SYK: variants seen among roughly 807,000 people sequenced by gnomAD.
SYK encodes the protein spleen associated tyrosine kinase.
A neutral mutation model predicts 77.8 loss-of-function variants in SYK; 16 were observed. The observed-to-expected ratio is 0.21, with a 90% CI of 0.14 to 0.31. SYK has a LOEUF of 0.31. Ranked by LOEUF, SYK falls within the 10% of genes least tolerant of loss-of-function variation. The probability of loss-of-function intolerance (pLI) is 1.00; values close to 1 mark genes in which losing one functional copy is unlikely to be tolerated. For synonymous variants in SYK, 312 were observed against 308.7 expected (o/e 1.01, Z -0.11); for missense variants, 529 against 814.4 (o/e 0.65, Z 4.26).
intron 1 of SYK, among the ~76,000 whole-genome samples, chr9:90,823,791 T>A (rs1825590898): frequency 6.6e-6 from 1 of 151,902 alleles, no homozygotes; most frequent in South Asian, 2.1e-4. Context: ...ACACATTAGG[T>A]AAAAAATATA....
At chr9:90,815,112 CAT>C (rs922632418) in intron 1 of SYK, among the ~76,000 whole-genome samples, 4 of 151,200 alleles carry the variant, frequency 2.6e-5, no homozygotes, top group African/African-American at 9.7e-5. Flanking sequence ...AAAAATCCAA[CAT>C]AGTTTCCTTG....
At chr9:90,843,355 T>A (rs1826448430) in intron 1 of SYK, among the ~76,000 whole-genome samples, 1 of 152,178 alleles carries the variant, frequency 6.6e-6, no homozygotes, top group African/African-American at 2.4e-5. Context: ...CGAGGCAGCG[T>A]CTCGCAGCTC....
intron 7 of SYK, among the ~76,000 whole-genome samples, chr9:90,872,159 T>C (rs900672100): frequency 6.6e-6 from 1 of 152,246 alleles, no homozygotes; most frequent in African/African-American, 2.4e-5. Flanking sequence ...GGAATTGCGT[T>C]CTGGTTTAAT....
chr9:90,888,914 A>T (rs1410134507), intron 13 of SYK, among the ~76,000 whole-genome samples: 2 of 152,180 alleles, frequency 1.3e-5, no homozygotes, highest in Admixed American at 6.5e-5. Context: ...CAGTCAAAGT[A>T]AAAAAGTGTT....
chr9:90,802,815 T>TA (rs58269380), intron 1 of SYK, among the ~76,000 whole-genome samples: 13 of 58,676 alleles, frequency 2.2e-4, no homozygotes, highest in Admixed American at 7.9e-4. Context: ...CAGCGTGTAG[T>TA]AAAAAAAAAA....
intron 1 of SYK, among the ~76,000 whole-genome samples, chr9:90,837,298 T>C (rs1826120886): frequency 6.6e-6 from 1 of 152,138 alleles, no homozygotes; most frequent in South Asian, 2.1e-4. Flanking sequence ...AGCAAGGCAG[T>C]GAAATCTCCA....
intron 13 of SYK, among the ~76,000 whole-genome samples, chr9:90,891,290 C>A (rs575065833): frequency 2.6e-5 from 4 of 151,952 alleles, no homozygotes; most frequent in Non-Finnish European, 5.9e-5. Flanking sequence ...GGACTACAGG[C>A]GCCCGCCACC....
intron 1 of SYK, among the ~76,000 whole-genome samples, chr9:90,837,842 A>G (rs1826145767): frequency 2.6e-5 from 4 of 152,200 alleles, no homozygotes. Flanking sequence ...CTGCTTCAAG[A>G]TTCTCCATCC....
At chr9:90,844,977 C>T (rs940557595) in intron 2 of SYK, among the ~76,000 whole-genome samples, 1 of 152,010 alleles carries the variant, frequency 6.6e-6, no homozygotes, top group African/African-American at 2.4e-5. Context: ...GCTCTGTCAC[C>T]CAGGCTGGAG....
chr9:90,874,607 C>T, intron 8 of SYK, 65 bp from the exon 9 acceptor site: 1 of 1,523,978 alleles, frequency 6.6e-7, no homozygotes, highest in Non-Finnish European at 8.9e-7. Context: ...AGATCATGTT[C>T]TTGGAAGGAT....
intron 1 of SYK, among the ~76,000 whole-genome samples, chr9:90,833,647 C>A (rs1427140457): frequency 1.3e-5 from 2 of 152,236 alleles, no homozygotes; most frequent in Non-Finnish European, 2.9e-5. Flanking sequence ...GAAAGGGTAT[C>A]TGAAACATTG....
intron 11 of SYK, among the ~76,000 whole-genome samples, chr9:90,887,264 G>A (rs1235693504): frequency 6.6e-6 from 1 of 152,110 alleles, no homozygotes; most frequent in East Asian, 1.9e-4. Context: ...AAGGCTGAAT[G>A]CTATTCCATT....
intron 1 of SYK, among the ~76,000 whole-genome samples, chr9:90,826,232 T>A (rs1167033923): frequency 6.6e-6 from 1 of 152,260 alleles, no homozygotes. Context: ...ATACTGTGTG[T>A]TCTTCAGCAA....
In SYK at chr9:90,871,517, TCTTTTTAA is replaced by T. The variant is rs532586941; in HGVS notation, c.916-2684_916-2677del. ...ATTCTTTACAAACTCCTCAAATTTTTCTTTTTAACTGAGCATTTTCTTTTAGAGATTGT... is the reference window on the plus strand; with the variant it reads ...ATTCTTTACAAACTCCTCAAATTTTTCTGAGCATTTTCTTTTAGAGATTGT... On this transcript the variant is annotated intron_variant, in intron 7 of 13. Coordinates refer to ENST00000375754, the MANE Select transcript of SYK (RefSeq NM_003177.7). Among the ~76,000 whole-genome samples, 40 of 152,382 alleles carry T rather than the reference TCTTTTTAA, an allele frequency of 2.6e-4. No homozygotes were observed. In the East Asian group the frequency reaches 7.5e-3, roughly 29 times the overall value.
In SYK at chr9:90,877,927, A is replaced by G. The variant is rs1019089739; in HGVS notation, c.1391+147A>G. ...TTGGTCCATACTCAGGGACCTTGAC[A>G]GAGGGACAGGGAGACATAGTCTTTG... On this transcript the variant is annotated intron_variant, in intron 10 of 13. Coordinates refer to ENST00000375754, the MANE Select transcript of SYK (RefSeq NM_003177.7). 6 of 730,658 alleles carry G rather than the reference A, an allele frequency of 8.2e-6. No homozygotes were observed. The African/African-American group carries it at 1.1e-4, about 13-fold the overall frequency. The allele number at this position is 730,658 out of a possible 1,614,324, so 45.3% of individuals were successfully genotyped here.
chr9:90,806,235 A>G (rs2118250299), intron 1 of SYK, among the ~76,000 whole-genome samples: 1 of 152,212 alleles, frequency 6.6e-6, no homozygotes, highest in African/African-American at 2.4e-5. Flanking sequence ...AATTTTCTAC[A>G]GTGTCAGATA....
chr9:90,845,674 T>G, intron 3 of SYK, 80 bp downstream of exon 3: 2 of 1,524,668 alleles, frequency 1.3e-6, no homozygotes, highest in Non-Finnish European at 1.8e-6. Context: ...TCCTTGTGAC[T>G]GGCCCCACAT....
At chr9:90,819,806 T>A (rs538384676) in intron 1 of SYK, among the ~76,000 whole-genome samples, 5 of 152,252 alleles carry the variant, frequency 3.3e-5, no homozygotes, top group African/African-American at 1.2e-4. Context: ...CCCAAAGTCT[T>A]AACTCATTTC....
rs376461830 is a variant in SYK at position 90,874,775 on chromosome 9, G to A, written c.1107G>A (p.Leu369=). The part of the protein sequence containing the change: ...RPKEVYLDRK[L]LTLEDKELGS... Reference sequence around the variant, plus strand: ...AGGAGGTTTACCTGGACCGAAAGCTGCTGACGCTGGAAGACAAAGAACTGG... The same window carrying A: ...AGGAGGTTTACCTGGACCGAAAGCTACTGACGCTGGAAGACAAAGAACTGG... The change falls in exon 9 of 14, where the codon CTG becomes CTA. Residue 369 remains leucine, a synonymous_variant. Coordinates refer to ENST00000375754, the MANE Select transcript of SYK (RefSeq NM_003177.7). 54 of 1,614,010 alleles carry A rather than the reference G, an allele frequency of 3.3e-5. No homozygotes were observed. Among genetic ancestry groups the A allele is most frequent in the Non-Finnish European group, 4.4e-5 (52 of 1,180,036 alleles).
Sources: gnomAD v4.1 joint callset for allele counts (sites outside exome capture counted in the v4.1 genomes callset) on GRCh38, gnomAD v4.1.1 for gene constraint, MANE v1.5 for transcripts, NCBI Gene and HGNC (gene_info 2026-07-23, HGNC 2026-07-21) for gene names.